The following GPATCH2 variants were observed in gnomAD, a reference collection of about 807,000 sequenced individuals.
GPATCH2 encodes the protein G-patch domain containing 2.
Under a neutral mutation model 58.0 loss-of-function variants are expected in GPATCH2, and 51 were observed. That is an observed-to-expected ratio of 0.88 (90% CI 0.70 to 1.11). The LOEUF is 1.11. Among genes scored for constraint, GPATCH2 ranks in the 50% most tolerant of loss-of-function variants. The pLI is 0.00. For synonymous variants in GPATCH2, 222 were observed against 218.5 expected, an observed-to-expected ratio of 1.02 and a Z score of -0.14; for missense variants, 625 against 652.2, an observed-to-expected ratio of 0.96 and a Z score of 0.45.
At chr1:217,615,423 G>A (rs61828863) in intron 2 of GPATCH2, among the ~76,000 whole-genome samples, 1 of 151,952 alleles carries the variant, frequency 6.6e-6, no homozygotes, top group African/African-American at 2.4e-5. Flanking sequence ...TTTTCTAAGA[G>A]CATCACAACC....
intron 9 of GPATCH2, among the ~76,000 whole-genome samples, chr1:217,439,063 T>G (rs980163548): frequency 8.5e-5 from 13 of 152,214 alleles, no homozygotes; most frequent in Non-Finnish European, 1.5e-4. Flanking sequence ...ATCAACAGAA[T>G]GTACACTCTT....
In GPATCH2 at chr1:217,493,288, C is replaced by T. The variant is rs1348648649; in HGVS notation, c.1207-1538G>A. On this transcript the variant is annotated intron_variant, in intron 7 of 9. Transcript: ENST00000366935. ...AATCTTGTACAAGGCTTTCATGACCCTTCATAATTTGATTACATCTCTAAA... is the reference window on the plus strand; with the variant it reads ...AATCTTGTACAAGGCTTTCATGACCTTTCATAATTTGATTACATCTCTAAA... Among the ~76,000 whole-genome samples the T allele has an allele frequency of 4.6e-5, 7 of 152,132 alleles. No individual in the cohort carries two copies. In the East Asian group the frequency reaches 1.4e-3, roughly 29 times the overall value.
chr1:217,629,991 G>A (rs559252686), intron 1 of GPATCH2, among the ~76,000 whole-genome samples: 3 of 152,204 alleles, frequency 2.0e-5, no homozygotes, highest in East Asian at 1.9e-4. Context: ...GAATGAACAC[G>A]CACCATTTAG....
chr1:217,478,978 T>C (rs762343132), intron 8 of GPATCH2, among the ~76,000 whole-genome samples: 21 of 151,198 alleles, frequency 1.4e-4, no homozygotes, highest in East Asian at 5.8e-4. Flanking sequence ...ACATGACATA[T>C]TTAAAATGCT....
chr1:217,605,252 A>G (rs1668298717), intron 5 of GPATCH2, among the ~76,000 whole-genome samples: 1 of 152,222 alleles, frequency 6.6e-6, no homozygotes, highest in South Asian at 2.1e-4. Context: ...GAATTGACTC[A>G]AGATTCTAAA....
intron 5 of GPATCH2, among the ~76,000 whole-genome samples, chr1:217,575,335 A>C (rs1249875077): frequency 6.6e-6 from 1 of 152,204 alleles, no homozygotes; most frequent in African/African-American, 2.4e-5. Context: ...TGATGTTAAA[A>C]ATCCTCTTAA....
At chr1:217,505,015 G>T (rs1474482041) in intron 6 of GPATCH2, among the ~76,000 whole-genome samples, 1 of 152,204 alleles carries the variant, frequency 6.6e-6, no homozygotes, top group African/African-American at 2.4e-5. Flanking sequence ...CTGGAGCCAA[G>T]GTTCCACACG....
intron 5 of GPATCH2, among the ~76,000 whole-genome samples, chr1:217,560,139 G>A (rs772909188): frequency 6.6e-6 from 1 of 152,106 alleles, no homozygotes; most frequent in African/African-American, 2.4e-5. Flanking sequence ...CACCATGCCC[G>A]GCCAGAATGC....
At chr1:217,553,889 G>C (rs1021942632) in intron 5 of GPATCH2, among the ~76,000 whole-genome samples, 1 of 152,162 alleles carries the variant, frequency 6.6e-6, no homozygotes, top group African/African-American at 2.4e-5. Flanking sequence ...ACAACCAAGA[G>C]AGAACCAAAC....
intron 9 of GPATCH2, among the ~76,000 whole-genome samples, chr1:217,440,334 A>G (rs1248951456): frequency 6.6e-6 from 1 of 152,226 alleles, no homozygotes; most frequent in African/African-American, 2.4e-5. Flanking sequence ...AAAACTCTCA[A>G]TAAACTAGGT....
In GPATCH2 at chr1:217,431,139, C is replaced by T. The variant is rs775996983; in HGVS notation, c.*6G>A. The T allele has an allele frequency of 7.6e-7, 1 of 1,321,938 alleles. No individual in the cohort carries two copies. The highest frequency in any genetic ancestry group is 1.1e-6 in the Non-Finnish European group (1 of 912,924). The allele number at this position is 1,321,938 out of a possible 1,614,324, so 81.9% of individuals were successfully genotyped here. A position where few individuals can be genotyped will look rare whatever the true frequency, so the allele number is the denominator to read the frequency against. ...AAGTCTGTAAAACATTTCTTCTTTG[C>T]TTTTCTTAGGCGGATTTTCCTGCAT... On this transcript the variant is annotated 3_prime_UTR_variant, in exon 10 of 10. Coordinates refer to ENST00000366935, the MANE Select transcript of GPATCH2 (RefSeq NM_018040.5).
At position 217,546,766 on chromosome 1, in the gene GPATCH2, G is replaced by C. The variant is rs150293996; in HGVS notation, c.1099-31877C>G. ...TTGACAAATGGGATCTAACTAAAGAGCTTCTGTACAGACAAAGAAACTATC... is the reference window on the plus strand; with the variant it reads ...TTGACAAATGGGATCTAACTAAAGACCTTCTGTACAGACAAAGAAACTATC... On this transcript the variant is annotated intron_variant, in intron 5 of 9. Transcript: ENST00000366935. Among the ~76,000 whole-genome samples, 238 of 152,264 alleles carry C rather than the reference G, an allele frequency of 1.6e-3. 1 individual carries two copies. The highest frequency in any genetic ancestry group is 5.4e-3 in the African/African-American group (224 of 41,554).
In GPATCH2 at chr1:217,427,814, A is replaced by G. The variant is rs567113596; in HGVS notation, c.*3331T>C. 5.1e-4 allele frequency: 78 copies of G among 152,284 alleles called. No individual in the cohort carries two copies. The highest frequency in any genetic ancestry group is 1.9e-3 in the African/African-American group (77 of 41,574). The allele number at this position is 152,284 out of a possible 1,614,324, so 9.4% of individuals were successfully genotyped here. On this transcript the variant is annotated 3_prime_UTR_variant, in exon 10 of 10. Coordinates refer to ENST00000366935, the MANE Select transcript of GPATCH2 (RefSeq NM_018040.5). ...AAGAATGCCAATTCTCAATATTAAA[A>G]TAAACATTAATAAAATGCAGTATTT... is the stretch of plus-strand genomic sequence containing the variant.
chr1:217,550,952 T>C (rs1665331420), intron 5 of GPATCH2, among the ~76,000 whole-genome samples: 1 of 151,806 alleles, frequency 6.6e-6, no homozygotes, highest in African/African-American at 2.4e-5. Context: ...ACATAGCATA[T>C]AATCAGAGAC....
At chr1:217,621,483 T>C (rs1669183098) in intron 1 of GPATCH2, among the ~76,000 whole-genome samples, 1 of 152,174 alleles carries the variant, frequency 6.6e-6, no homozygotes, top group African/African-American at 2.4e-5. Context: ...AGGAGTAGGC[T>C]TTTATGTAAC....
chr1:217,570,573 G>C (rs529728292), intron 5 of GPATCH2, among the ~76,000 whole-genome samples: 9 of 152,168 alleles, frequency 5.9e-5, no homozygotes, highest in Middle Eastern at 3.4e-3. Flanking sequence ...TAGATATTCA[G>C]GGATAATTCA....
At chr1:217,454,069 A>G (rs1209986278) in intron 8 of GPATCH2, among the ~76,000 whole-genome samples, 2 of 152,128 alleles carry the variant, frequency 1.3e-5, no homozygotes, top group African/African-American at 4.8e-5. Context: ...CCAATGGCAG[A>G]GATAAGGATG....
chr1:217,584,344 A>AAAAAAAAAAAAAAAAAATATATAT (rs1463910405), intron 5 of GPATCH2, among the ~76,000 whole-genome samples: 4 of 101,836 alleles, frequency 3.9e-5, no homozygotes, highest in Non-Finnish European at 5.9e-5. Context: ...AAAAAAAAAA[A>AAAAAAAAAAAAAAAAAATATATAT]ATATATATAT....
At chr1:217,462,344 G>T (rs1165194180) in intron 8 of GPATCH2, among the ~76,000 whole-genome samples, 1 of 152,080 alleles carries the variant, frequency 6.6e-6, no homozygotes, top group East Asian at 1.9e-4. Context: ...CAACGATCAG[G>T]TTAGTCATGA....
Sources: allele counts gnomAD v4.1 joint callset (sites outside exome capture counted in the v4.1 genomes callset), GRCh38; gene constraint gnomAD v4.1.1; transcripts MANE v1.5; gene names NCBI Gene and HGNC (gene_info 2026-07-23, HGNC 2026-07-21).